RBFOX1: variants seen among roughly 807,000 people sequenced by gnomAD.
The protein encoded by RBFOX1 is RNA binding fox-1 homolog 1.
In RBFOX1, 8 loss-of-function variants were observed where a neutral mutation model predicts 57.7. The observed-to-expected ratio is 0.14, with a 90% CI of 0.08 to 0.25. RBFOX1 has a LOEUF of 0.25. Ranked by LOEUF, RBFOX1 falls within the 10% of genes least tolerant of loss-of-function variation. The probability of loss-of-function intolerance (pLI) is 1.00; values close to 1 mark genes in which losing one functional copy is unlikely to be tolerated. For synonymous variants in RBFOX1, 326 were observed against 222.4 expected (o/e 1.47, Z -4.15); for missense variants, 611 against 548.5 (o/e 1.11, Z -1.14).
intron 1 of RBFOX1, among the ~76,000 whole-genome samples, chr16:5,309,912 A>C (rs1407578309): frequency 6.6e-6 from 1 of 152,162 alleles, no homozygotes; most frequent in African/African-American, 2.4e-5. Context: ...TTCAAATTTA[A>C]ACTGGAGCCA....
intron 4 of RBFOX1, among the ~76,000 whole-genome samples, chr16:7,474,959 G>T (rs923593802): frequency 5.3e-5 from 8 of 152,258 alleles, no homozygotes; most frequent in Admixed American, 2.0e-4. Flanking sequence ...ATGCAGAGCC[G>T]CCATCTTTCC....
chr16:5,270,484 T>A, intron 1 of RBFOX1: 4 of 716,482 alleles, frequency 5.6e-6, no homozygotes, highest in South Asian at 4.2e-5. Flanking sequence ...ATGGCATGGG[T>A]CTTACCTGTG....
At chr16:6,148,510 G>T (rs1803765764) in intron 1 of RBFOX1, among the ~76,000 whole-genome samples, 1 of 152,116 alleles carries the variant, frequency 6.6e-6, no homozygotes, top group South Asian at 2.1e-4. Context: ...TTGAGTCTCA[G>T]GTTGAATCTC....
intron 3 of RBFOX1, among the ~76,000 whole-genome samples, chr16:6,724,456 C>T (rs1465946140): frequency 6.6e-6 from 1 of 152,096 alleles, no homozygotes; most frequent in Non-Finnish European, 1.5e-5. Flanking sequence ...GATCCACCCA[C>T]CTCGTCCTCC....
Position 7,676,827 on chromosome 16 carries a change from C to G in RBFOX1, c.984C>G (p.Ala328=), listed in dbSNP as rs1312874997. 1.9e-6 allele frequency: 3 copies of G among 1,612,910 alleles called. No individual in the cohort carries two copies. Among genetic ancestry groups the G allele is most frequent in the Non-Finnish European group, 1.7e-6 (2 of 1,179,038 alleles). ...YAQPTPATAA[A]YSDSYGRVYA... is the part of the protein sequence containing the mutation. Reference sequence around the variant, plus strand: ...AGCCTACCCCTGCCACTGCCGCTGCCTACAGTGACAGGTAAGGGTCATCCT... The same window carrying G: ...AGCCTACCCCTGCCACTGCCGCTGCGTACAGTGACAGGTAAGGGTCATCCT... Residue 328 remains alanine, a synonymous_variant, in exon 14 of 16, where the codon GCC becomes GCG. Transcript: ENST00000550418.
intron 2 of RBFOX1, among the ~76,000 whole-genome samples, chr16:6,332,435 T>C (rs1012444475): frequency 6.6e-6 from 1 of 152,222 alleles, no homozygotes; most frequent in Non-Finnish European, 1.5e-5. Context: ...AAAGGTTGGA[T>C]AGCAATTGTA....
At chr16:5,545,551 T>C (rs552201475) in intron 2 of RBFOX1, among the ~76,000 whole-genome samples, 1 of 152,016 alleles carries the variant, frequency 6.6e-6, no homozygotes, top group Non-Finnish European at 1.5e-5. Flanking sequence ...TGGTTTAAAA[T>C]TCAAATATAA....
chr16:5,887,987 C>A (rs2057942309), intron 4 of RBFOX1, among the ~76,000 whole-genome samples: 1 of 152,182 alleles, frequency 6.6e-6, no homozygotes, highest in Non-Finnish European at 1.5e-5. Flanking sequence ...CAAGGTCCTG[C>A]CAGACTGTGT....
intron 4 of RBFOX1, among the ~76,000 whole-genome samples, chr16:7,238,049 C>G (rs1603429564): frequency 6.6e-6 from 1 of 152,150 alleles, no homozygotes; most frequent in East Asian, 1.9e-4. Context: ...ATAGATGAAC[C>G]TTGAGGACAT....
intron 4 of RBFOX1, among the ~76,000 whole-genome samples, chr16:7,090,879 CCAGCACAACCTCCCTT>C (rs1567219812): frequency 1.2e-5 from 1 of 84,622 alleles, no homozygotes; most frequent in East Asian, 4.8e-4. Flanking sequence ...ACCCTCTTGA[CCAGCACAACCTCCCTT>C]GACCAGCACA....
In RBFOX1 at chr16:7,166,407, G is replaced by T. The variant is rs184563572; in HGVS notation, c.27+114309G>T. On this transcript the variant is annotated intron_variant, in intron 4 of 15. Coordinates refer to ENST00000550418, the MANE Select transcript of RBFOX1 (RefSeq NM_018723.4). ...TCTGAGGGAGTGGGTTGTAAGGAAA[G>T]ATAGAAAACTATAGAGGAGTCCATG... 3.4e-4 allele frequency among the ~76,000 whole-genome samples: 51 copies of T among 152,234 alleles called. No individual in the cohort carries two copies. The East Asian group carries it at 8.5e-3, about 25-fold the overall frequency.
At chr16:5,540,424 T>C (rs1480953585) in intron 2 of RBFOX1, among the ~76,000 whole-genome samples, 1 of 152,232 alleles carries the variant, frequency 6.6e-6, no homozygotes, top group Non-Finnish European at 1.5e-5. Context: ...GTTTGTTGGT[T>C]GGTCTGATAT....
intron 10 of RBFOX1, among the ~76,000 whole-genome samples, chr16:7,615,202 G>A (rs1407607934): frequency 3.3e-5 from 5 of 152,078 alleles, no homozygotes; most frequent in African/African-American, 7.2e-5. Flanking sequence ...GCGTGGTGGC[G>A]GGCACCTGTA....
chr16:7,582,903 A>G (rs1219927938), intron 6 of RBFOX1, among the ~76,000 whole-genome samples: 1 of 152,172 alleles, frequency 6.6e-6, no homozygotes, highest in Non-Finnish European at 1.5e-5. Context: ...CCTTCTTCAA[A>G]CTGCCTAAAA....
chr16:5,780,151 T>C (rs1201012315), intron 3 of RBFOX1, among the ~76,000 whole-genome samples: 5 of 152,154 alleles, frequency 3.3e-5, no homozygotes, highest in Non-Finnish European at 7.4e-5. Flanking sequence ...TACAAGTGCG[T>C]GACACCAGGC....
intron 4 of RBFOX1, among the ~76,000 whole-genome samples, chr16:5,971,865 G>C (rs534359040): frequency 6.6e-6 from 1 of 152,218 alleles, no homozygotes; most frequent in Non-Finnish European, 1.5e-5. Flanking sequence ...ATTTATGTCA[G>C]TAGACTGAGT....
chr16:7,481,775 C>G (rs750001336), intron 4 of RBFOX1, among the ~76,000 whole-genome samples: 1 of 152,190 alleles, frequency 6.6e-6, no homozygotes, highest in Non-Finnish European at 1.5e-5. Context: ...CAAAAATGCA[C>G]TTAACACCCC....
At chr16:5,814,145 G>A (rs1365313216) in intron 3 of RBFOX1, among the ~76,000 whole-genome samples, 1 of 152,070 alleles carries the variant, frequency 6.6e-6, no homozygotes, top group Non-Finnish European at 1.5e-5. Flanking sequence ...CCAAAATCCT[G>A]CAGAGAAGGT....
At chr16:5,959,955 C>A (rs921027379) in intron 4 of RBFOX1, among the ~76,000 whole-genome samples, 6 of 152,202 alleles carry the variant, frequency 3.9e-5, no homozygotes, top group African/African-American at 4.8e-5. Context: ...AATCCCAGTA[C>A]TTTGGGAGGC....
Sources: allele counts gnomAD v4.1 joint callset (sites outside exome capture counted in the v4.1 genomes callset), GRCh38; gene constraint gnomAD v4.1.1; transcripts MANE v1.5; gene names NCBI Gene and HGNC (gene_info 2026-07-23, HGNC 2026-07-21).